The following SETD2 variants were observed in gnomAD, a reference collection of about 807,000 sequenced individuals.
The protein encoded by SETD2 is histone-lysine N-methyltransferase SETD2.
Under a neutral mutation model 242.1 loss-of-function variants are expected in SETD2, and 31 were observed. The observed-to-expected ratio is 0.13, with a 90% confidence interval of 0.10 to 0.17. SETD2 has a LOEUF of 0.17. Ranked by LOEUF, SETD2 falls within the 10% of genes least tolerant of loss-of-function variation. SETD2 has a pLI of 1.00. For synonymous variants in SETD2, 1,006 were observed against 1,066.5 expected (o/e 0.94, Z 1.11); for missense variants, 2,481 against 3,046.3 (o/e 0.81, Z 4.37).
chr3:47,023,383 G>A (rs746535544), intron 18 of SETD2, among the ~76,000 whole-genome samples: 3 of 152,020 alleles, frequency 2.0e-5, no homozygotes, highest in Non-Finnish European at 2.9e-5. Flanking sequence ...CTGGGTGACA[G>A]AGCGAGACTC....
chr3:47,104,526 C>T (rs965560356), intron 6 of SETD2, among the ~76,000 whole-genome samples: 4 of 151,514 alleles, frequency 2.6e-5, no homozygotes, highest in African/African-American at 9.7e-5. Context: ...GGCAACAGAG[C>T]AAGACCCTGA....
intron 18 of SETD2, among the ~76,000 whole-genome samples, chr3:47,020,640 C>T (rs939224280): frequency 1.3e-5 from 2 of 152,220 alleles, no homozygotes; most frequent in Non-Finnish European, 2.9e-5. Flanking sequence ...CACTAGCCAT[C>T]AGGCCCCTTC....
intron 1 of SETD2, among the ~76,000 whole-genome samples, chr3:47,154,551 C>A (rs2044081414): frequency 6.6e-6 from 1 of 151,968 alleles, no homozygotes; most frequent in South Asian, 2.1e-4. Context: ...AGGAAAAGAT[C>A]TCGAAAAATA....
chr3:47,109,735 C>T (rs2042577311), intron 5 of SETD2, among the ~76,000 whole-genome samples: 1 of 152,086 alleles, frequency 6.6e-6, no homozygotes, highest in African/African-American at 2.4e-5. Context: ...CCTGTAATTA[C>T]AGCACTTTGG....
At chr3:47,119,792 T>C (rs1559740472) in intron 3 of SETD2, 2 of 473,152 alleles carry the variant, frequency 4.2e-6, no homozygotes, top group Admixed American at 2.4e-5. Context: ...TGCACATTTT[T>C]GAAAATAAAA....
intron 4 of SETD2, among the ~76,000 whole-genome samples, chr3:47,116,350 A>C (rs2107726720): frequency 6.6e-6 from 1 of 152,348 alleles, no homozygotes; most frequent in East Asian, 1.9e-4. Flanking sequence ...ATTATAAAAG[A>C]TAAAAAAGTA....
chr3:47,153,558 T>G (rs892326707), intron 1 of SETD2, among the ~76,000 whole-genome samples: 1 of 152,130 alleles, frequency 6.6e-6, no homozygotes, highest in African/African-American at 2.4e-5. Flanking sequence ...GAGACCAGCT[T>G]GGGCAACATA....
chr3:47,114,059 T>C (rs1489530008), intron 4 of SETD2, 55 bp from the exon 5 acceptor site: 1 of 1,563,942 alleles, frequency 6.4e-7, no homozygotes, highest in African/African-American at 1.4e-5. Flanking sequence ...AGAACCAAAG[T>C]AACTTTGAAA....
chr3:47,026,061 C>A (rs1356945893), intron 18 of SETD2, among the ~76,000 whole-genome samples: 1 of 151,824 alleles, frequency 6.6e-6, no homozygotes, highest in Non-Finnish European at 1.5e-5. Flanking sequence ...TTCCATCTGA[C>A]AAAGGGCTAA....
intron 8 of SETD2, among the ~76,000 whole-genome samples, 172 bp downstream of exon 8, chr3:47,101,286 G>A (rs373801931): frequency 6.6e-6 from 1 of 151,928 alleles, no homozygotes; most frequent in South Asian, 2.1e-4. Flanking sequence ...ATCCCTTAAG[G>A]GTCAGAAGTG....
rs538224335 is a variant in SETD2, at chr3:47,095,347, G to A, written c.5142+2608C>T. On this transcript the variant is annotated intron_variant, in intron 9 of 20. Transcript: ENST00000409792. ...GACAGGGTTTCACCATGTTGGCCAG[G>A]CTGGTCTTGAACTCCTAACCTCGTG... 2.0e-4 allele frequency among the ~76,000 whole-genome samples: 31 copies of A among 152,204 alleles called. 1 individual carries two copies. The South Asian group carries it at 6.0e-3, about 30-fold the overall frequency.
intron 18 of SETD2, among the ~76,000 whole-genome samples, chr3:47,026,651 G>T (rs1320422719): frequency 6.6e-6 from 1 of 152,106 alleles, no homozygotes; most frequent in Non-Finnish European, 1.5e-5. Context: ...CATGTCTTTT[G>T]CAGGGACATG....
At chr3:47,083,011 A>T (rs1419162334) in intron 12 of SETD2, among the ~76,000 whole-genome samples, 5 of 152,208 alleles carry the variant, frequency 3.3e-5, no homozygotes, top group African/African-American at 1.2e-4. Context: ...CCAAGTCCAG[A>T]TCACTTACAA....
chr3:47,078,591 TCTG>T (rs1390339503), intron 12 of SETD2, among the ~76,000 whole-genome samples: 1 of 145,638 alleles, frequency 6.9e-6, no homozygotes, highest in Non-Finnish European at 1.5e-5. Context: ...CTGAAAGAGG[TCTG>T]CTGATTAGAT....
intron 17 of SETD2, among the ~76,000 whole-genome samples, chr3:47,040,118 A>G (rs1194726343): frequency 6.6e-6 from 1 of 151,754 alleles, no homozygotes; most frequent in Non-Finnish European, 1.5e-5. Context: ...AGGAAGGATT[A>G]CAGGCACCTG....
chr3:47,098,796 A>C (rs1240551126), intron 8 of SETD2, among the ~76,000 whole-genome samples: 2 of 152,084 alleles, frequency 1.3e-5, no homozygotes, highest in Non-Finnish European at 2.9e-5. Context: ...ACTCTGTCTC[A>C]AAAAAATAAT....
chr3:47,049,844 A>T (rs2039735725), intron 15 of SETD2, among the ~76,000 whole-genome samples: 1 of 145,054 alleles, frequency 6.9e-6, no homozygotes, highest in African/African-American at 2.5e-5. Context: ...TTCTGAGTTT[A>T]TATTATATAT....
At chr3:47,072,072 G>A (rs1056825482) in intron 12 of SETD2, among the ~76,000 whole-genome samples, 4 of 151,012 alleles carry the variant, frequency 2.6e-5, no homozygotes, top group East Asian at 3.8e-4. Flanking sequence ...ACTTTGGGAG[G>A]CCGAGGCGGG....
At chr3:47,056,742 T>A (rs2040098161) in intron 15 of SETD2, 79 bp downstream of exon 15, 1 of 1,139,144 alleles carries the variant, frequency 8.8e-7, no homozygotes, top group Non-Finnish European at 1.3e-6. Context: ...ATGGTAAGAC[T>A]TCCTCCCCTA....
Sources: allele counts gnomAD v4.1 joint callset (sites outside exome capture counted in the v4.1 genomes callset), GRCh38; gene constraint gnomAD v4.1.1; transcripts MANE v1.5; gene names NCBI Gene and HGNC (gene_info 2026-07-23, HGNC 2026-07-21).